Variants in NSUN6 observed in about 807,000 individuals in gnomAD.
NSUN6 encodes the protein tRNA (cytosine(72)-C(5))-methyltransferase NSUN6.
Under a neutral mutation model 58.0 loss-of-function variants are expected in NSUN6, and 64 were observed. The observed-to-expected ratio is 1.10, with a 90% confidence interval of 0.90 to 1.36. The LOEUF is 1.36. NSUN6 is among the 40% of genes most tolerant of loss of function. The pLI, the probability that NSUN6 is intolerant of heterozygous loss-of-function variation, is 0.00. For synonymous variants in NSUN6, 231 were observed against 193.9 expected (o/e 1.19, Z -1.59); for missense variants, 701 against 550.1 (o/e 1.27, Z -2.74).
intron 2 of NSUN6, among the ~76,000 whole-genome samples, chr10:18,647,160 C>CAA (rs1461231493): frequency 6.6e-6 from 1 of 152,014 alleles, no homozygotes; most frequent in Non-Finnish European, 1.5e-5. Flanking sequence ...TAGAGTATGA[C>CAA]AAAGAGTCCA....
chr10:18,548,524 CACAAATTT>C (rs999143488), intron 9 of NSUN6, among the ~76,000 whole-genome samples: 13 of 152,290 alleles, frequency 8.5e-5, no homozygotes, highest in African/African-American at 2.6e-4. Context: ...GCTGAAAACT[CACAAATTT>C]ACATTTTTAG....
intron 8 of NSUN6, among the ~76,000 whole-genome samples, chr10:18,552,503 C>T (rs1202697361): frequency 6.6e-6 from 1 of 152,140 alleles, no homozygotes; most frequent in African/African-American, 2.4e-5. Flanking sequence ...GCATTCACTT[C>T]AGTAATTTTC....
intron 8 of NSUN6, among the ~76,000 whole-genome samples, chr10:18,556,441 G>A (rs2055026637): frequency 6.6e-6 from 1 of 150,770 alleles, no homozygotes; most frequent in African/African-American, 2.4e-5. Context: ...TGAATGGAAT[G>A]GAATGCAGAA....
chr10:18,642,724 A>G (rs1234615343), intron 2 of NSUN6, among the ~76,000 whole-genome samples, 169 bp from the exon 3 acceptor site: 1 of 152,058 alleles, frequency 6.6e-6, no homozygotes, highest in African/African-American at 2.4e-5. Context: ...CAAAACAACA[A>G]TGTTTTCTCT....
chr10:18,549,337 G>A (rs11014805), intron 9 of NSUN6, among the ~76,000 whole-genome samples: 7,353 of 152,210 alleles, frequency 0.048, 272 homozygotes, highest in Non-Finnish European at 0.077. Flanking sequence ...TGGCACCTCA[G>A]AATCTTTGCA....
intron 8 of NSUN6, among the ~76,000 whole-genome samples, chr10:18,581,159 T>C (rs2056887773): frequency 6.6e-6 from 1 of 151,980 alleles, no homozygotes; most frequent in East Asian, 1.9e-4. Context: ...GTGCACAGTG[T>C]GTTTATCAGA....
rs373293153 is a variant in NSUN6 at position 18,622,669 on chromosome 10, A to T, written c.312-6376T>A. Among the ~76,000 whole-genome samples, 8 of 152,344 alleles carry T rather than the reference A, an allele frequency of 5.3e-5. No homozygotes were observed. The East Asian group carries it at 1.5e-3, about 29-fold the overall frequency. ...AGTTGCAGTGAGCAGAGATCGTGCCATTGCACTCTAGCCTGGGCAACAAGA... is the reference window on the plus strand; with the variant it reads ...AGTTGCAGTGAGCAGAGATCGTGCCTTTGCACTCTAGCCTGGGCAACAAGA... On this transcript the variant is annotated intron_variant, in intron 3 of 10. Transcript: ENST00000377304.
At chr10:18,623,921 C>G (rs1474189193) in intron 3 of NSUN6, among the ~76,000 whole-genome samples, 1 of 152,130 alleles carries the variant, frequency 6.6e-6, no homozygotes, top group Non-Finnish European at 1.5e-5. Context: ...GTCCCATAGG[C>G]ATGCTCTTTC....
chr10:18,572,850 T>C (rs2056447783), intron 8 of NSUN6, among the ~76,000 whole-genome samples: 1 of 148,716 alleles, frequency 6.7e-6, no homozygotes, highest in Non-Finnish European at 1.5e-5. Context: ...ATTCCATTCC[T>C]TTCTGCATTT....
intron 8 of NSUN6, among the ~76,000 whole-genome samples, chr10:18,585,305 C>G (rs1467481785): frequency 1.3e-5 from 2 of 152,144 alleles, no homozygotes; most frequent in Non-Finnish European, 2.9e-5. Context: ...AGCAATCCTA[C>G]TACTGGGTAT....
rs554278081 is a variant in NSUN6 at position 18,565,810 on chromosome 10, CTCCAT to C, written c.923-13844_923-13840del. 1.0e-3 allele frequency among the ~76,000 whole-genome samples: 156 copies of C among 149,292 alleles called. 1 individual carries two copies. Among genetic ancestry groups the C allele is most frequent in the South Asian group, 6.2e-3 (29 of 4,678 alleles). On this transcript the variant is annotated intron_variant, in intron 8 of 10. Coordinates refer to ENST00000377304, the MANE Select transcript of NSUN6 (RefSeq NM_182543.5). Reference sequence around the variant, plus strand: ...ATTCTCCACTCCATTCCTTTCTCCACTCCATTCCATTCTCCATTCCATTCCATTGT... The same window carrying C: ...ATTCTCCACTCCATTCCTTTCTCCACTCCATTCTCCATTCCATTCCATTGT...
At chr10:18,623,738 C>T (rs568226085) in intron 3 of NSUN6, among the ~76,000 whole-genome samples, 2 of 152,332 alleles carry the variant, frequency 1.3e-5, no homozygotes, top group African/African-American at 4.8e-5. Flanking sequence ...AACTTTGCTG[C>T]TCATGACTTA....
intron 7 of NSUN6, 85 bp downstream of exon 7, chr10:18,596,123 C>A: frequency 8.8e-7 from 1 of 1,133,228 alleles, no homozygotes; most frequent in Non-Finnish European, 1.3e-6. Flanking sequence ...CTAAATGAGA[C>A]TGTGAATGGC....
chr10:18,556,527 G>C (rs1219378945), intron 8 of NSUN6, among the ~76,000 whole-genome samples: 1 of 151,390 alleles, frequency 6.6e-6, no homozygotes, highest in Non-Finnish European at 1.5e-5. Flanking sequence ...GAATGGAATG[G>C]AATGCAGTGG....
chr10:18,648,499 TTCA>T lies in NSUN6; in HGVS notation c.219_221del (p.Asp73del). 1.3e-6 allele frequency: 2 copies of T among 1,597,702 alleles called. No homozygotes were observed. Among genetic ancestry groups the T allele is most frequent in the Non-Finnish European group, 1.7e-6 (2 of 1,169,264 alleles). ...GAAAATTTCCACAAACCTTCTGAAG[TTCA>T]TCAAGTAACAGATTTTTCACATGTT... On this transcript the variant is annotated inframe_deletion, in exon 2 of 11. Coordinates refer to ENST00000377304, the MANE Select transcript of NSUN6 (RefSeq NM_182543.5).
intron 3 of NSUN6, among the ~76,000 whole-genome samples, chr10:18,637,122 C>A (rs2059243849): frequency 6.6e-6 from 1 of 151,694 alleles, no homozygotes; most frequent in South Asian, 2.1e-4. Flanking sequence ...ACCACCACAC[C>A]CAGATAATGT....
chr10:18,556,300 G>GAA (rs1564710121), intron 8 of NSUN6, among the ~76,000 whole-genome samples: 6 of 69,290 alleles, frequency 8.7e-5, no homozygotes, highest in Admixed American at 1.5e-4. Flanking sequence ...GGAATGCACA[G>GAA]TGGAATGCAA....
intron 3 of NSUN6, among the ~76,000 whole-genome samples, chr10:18,632,917 A>G (rs921572283): frequency 2.0e-5 from 3 of 152,188 alleles, no homozygotes; most frequent in African/African-American, 7.2e-5. Context: ...TATATACCCA[A>G]AGGACTATAA....
At chr10:18,647,297 G>A (rs1049297974) in intron 2 of NSUN6, among the ~76,000 whole-genome samples, 1 of 152,134 alleles carries the variant, frequency 6.6e-6, no homozygotes, top group Non-Finnish European at 1.5e-5. Context: ...GTTGCCTCTC[G>A]CTTTTAACTC....
Sources: gnomAD v4.1 joint callset for allele counts (sites outside exome capture counted in the v4.1 genomes callset) on GRCh38, gnomAD v4.1.1 for gene constraint, MANE v1.5 for transcripts, NCBI Gene and HGNC (gene_info 2026-07-23, HGNC 2026-07-21) for gene names.